ABTB3: variants seen among roughly 807,000 people sequenced by gnomAD.
ABTB3 encodes ankyrin repeat- and BTB/POZ domain-containing protein 3.
At chr12:107,384,330 G>T in the ABTB3 span, among the ~76,000 whole-genome samples, 1 of 152,140 alleles carries the variant, frequency 6.6e-6, no homozygotes, top group Admixed American at 6.6e-5. Flanking sequence ...CAACAATGTC[G>T]TTAACCAGTA....
the ABTB3 span, among the ~76,000 whole-genome samples, chr12:107,545,347 T>C: frequency 6.6e-6 from 1 of 152,174 alleles, no homozygotes; most frequent in African/African-American, 2.4e-5. Flanking sequence ...GCTCAAGCGA[T>C]TCTCATTCCT....
At chr12:107,402,241 G>T in the ABTB3 span, among the ~76,000 whole-genome samples, 1 of 152,260 alleles carries the variant, frequency 6.6e-6, no homozygotes, top group South Asian at 2.1e-4. Context: ...ACACAATTTT[G>T]AGTGGCAGAG....
the ABTB3 span, among the ~76,000 whole-genome samples, chr12:107,595,067 G>T: frequency 6.6e-6 from 1 of 152,000 alleles, no homozygotes; most frequent in Non-Finnish European, 1.5e-5. Flanking sequence ...AATCGCCCCT[G>T]GTTGAGAATC....
At chr12:107,493,077 G>GA in the ABTB3 span, among the ~76,000 whole-genome samples, 1,327 of 130,926 alleles carry the variant, frequency 0.01, 29 homozygotes, top group African/African-American at 0.038. Context: ...AAGCCACAGA[G>GA]AAAAGAAAAA....
chr12:107,470,002 TTCTTTCTTTCTCTC>T, the ABTB3 span, among the ~76,000 whole-genome samples: 6 of 56,792 alleles, frequency 1.1e-4, no homozygotes, highest in Non-Finnish European at 9.7e-5. Flanking sequence ...CTTTCTTTCT[TTCTTTCTTTCTCTC>T]TCTCTCTCTC....
At chr12:107,443,197 A>T in the ABTB3 span, among the ~76,000 whole-genome samples, 14 of 152,216 alleles carry the variant, frequency 9.2e-5, no homozygotes, top group East Asian at 2.7e-3. Context: ...TTAAAAATCT[A>T]TAAGGGAGTG....
the ABTB3 span, among the ~76,000 whole-genome samples, chr12:107,603,618 A>G: frequency 2.0e-5 from 3 of 152,248 alleles, no homozygotes; most frequent in African/African-American, 4.8e-5. Flanking sequence ...ACACAGGTGG[A>G]AATTTCCATA....
At chr12:107,447,860 T>C in the ABTB3 span, among the ~76,000 whole-genome samples, 27 of 152,114 alleles carry the variant, frequency 1.8e-4, no homozygotes, top group Non-Finnish European at 3.7e-4. Context: ...TAGAAAGAAC[T>C]TGAGCTTCAA....
chr12:107,439,144 G>A, the ABTB3 span, among the ~76,000 whole-genome samples: 542 of 152,224 alleles, frequency 3.6e-3, 3 homozygotes, highest in Middle Eastern at 0.017. Flanking sequence ...TAATAATCAC[G>A]CGTCTTTAAT....
chr12:107,345,846 C>T, the ABTB3 span, among the ~76,000 whole-genome samples: 30 of 152,254 alleles, frequency 2.0e-4, 1 homozygote, highest in Admixed American at 1.7e-3. Flanking sequence ...AAATGAATGA[C>T]GAGCTAGAGA....
the ABTB3 span, among the ~76,000 whole-genome samples, chr12:107,608,956 T>TATAAA: frequency 1.5e-5 from 1 of 66,324 alleles, no homozygotes; most frequent in East Asian, 7.5e-4. Context: ...TAAAATAAAA[T>TATAAA]ATAAAATAAA....
At chr12:107,559,566 C>CT in the ABTB3 span, among the ~76,000 whole-genome samples, 1 of 152,188 alleles carries the variant, frequency 6.6e-6, no homozygotes, top group Non-Finnish European at 1.5e-5. Context: ...AGTTTCCACT[C>CT]TTTTTTTATC....
At chr12:107,600,178 A>G in the ABTB3 span, among the ~76,000 whole-genome samples, 1 of 152,204 alleles carries the variant, frequency 6.6e-6, no homozygotes, top group Non-Finnish European at 1.5e-5. Flanking sequence ...AGCAAGATAC[A>G]GGTGTGAGCT....
At chr12:107,356,378 C>T in the ABTB3 span, among the ~76,000 whole-genome samples, 9 of 152,116 alleles carry the variant, frequency 5.9e-5, no homozygotes, top group East Asian at 3.9e-4. Flanking sequence ...TGGAGAAGAT[C>T]GGAAGGAATC....
the ABTB3 span, among the ~76,000 whole-genome samples, chr12:107,474,453 A>C: frequency 1.3e-5 from 2 of 152,214 alleles, no homozygotes; most frequent in Admixed American, 6.5e-5. Context: ...TTTCCGAATG[A>C]TTAAAAGCCA....
chr12:107,585,602 A>T, the ABTB3 span, among the ~76,000 whole-genome samples: 2 of 152,050 alleles, frequency 1.3e-5, no homozygotes, highest in African/African-American at 4.8e-5. Flanking sequence ...AATCTAACGA[A>T]TTGCACCACT....
At chr12:107,363,057 T>C in the ABTB3 span, among the ~76,000 whole-genome samples, 1 of 152,268 alleles carries the variant, frequency 6.6e-6, no homozygotes, top group East Asian at 1.9e-4. Context: ...ATCACCAGAC[T>C]TTTGAAAGGG....
the ABTB3 span, among the ~76,000 whole-genome samples, chr12:107,474,155 T>G: frequency 6.6e-6 from 1 of 152,198 alleles, no homozygotes; most frequent in South Asian, 2.1e-4. Flanking sequence ...TTTTGGTGAC[T>G]GCGCCCAGTC....
chr12:107,327,971 G>A, the ABTB3 span, among the ~76,000 whole-genome samples: 1 of 152,132 alleles, frequency 6.6e-6, no homozygotes, highest in East Asian at 1.9e-4. Flanking sequence ...TAGAGAATGT[G>A]GAGGATTATA....
Sources: gnomAD v4.1 joint callset for allele counts (sites outside exome capture counted in the v4.1 genomes callset) on GRCh38, gnomAD v4.1.1 for gene constraint, MANE v1.5 for transcripts, NCBI Gene and HGNC (gene_info 2026-07-23, HGNC 2026-07-21) for gene names.